LRRC4C: variants seen among roughly 807,000 people sequenced by gnomAD.
LRRC4C encodes the protein leucine rich repeat containing 4C, also known as leucine-rich repeat-containing protein 4C.
In LRRC4C, 5 loss-of-function variants were observed where a neutral mutation model predicts 33.6. That is an observed-to-expected ratio of 0.15 (90% confidence interval 0.08 to 0.31). The LOEUF (loss-of-function observed/expected upper bound fraction) is 0.31, where lower values mean the gene tolerates loss of function less well. Among genes scored for constraint, LRRC4C ranks in the 10% least tolerant of loss-of-function variants. The pLI, the probability that LRRC4C is intolerant of heterozygous loss-of-function variation, is 1.00. For missense variants in LRRC4C, 560 were observed against 796.7 expected, an observed-to-expected ratio of 0.70 and a Z score of 3.58; for synonymous variants, 329 against 302.0, an observed-to-expected ratio of 1.09 and a Z score of -0.93.
At chr11:41,338,035 A>G (rs181032973) in intron 1 of LRRC4C, among the ~76,000 whole-genome samples, 1 of 152,304 alleles carries the variant, frequency 6.6e-6, no homozygotes, top group Admixed American at 6.5e-5. Context: ...TGAAGAAACA[A>G]CAGATGCTGT....
chr11:40,761,071 T>A (rs2137071252), intron 2 of LRRC4C, among the ~76,000 whole-genome samples: 1 of 151,628 alleles, frequency 6.6e-6, no homozygotes, highest in South Asian at 2.1e-4. Flanking sequence ...ATAGCCCACT[T>A]GGTTATTATT....
At chr11:40,620,629 G>C (rs1962359326) in intron 3 of LRRC4C, among the ~76,000 whole-genome samples, 1 of 151,730 alleles carries the variant, frequency 6.6e-6, no homozygotes, top group African/African-American at 2.4e-5. Flanking sequence ...ATAATTTTTT[G>C]TCACTTACTC....
chr11:41,393,453 T>C (rs1236659646), intron 1 of LRRC4C, among the ~76,000 whole-genome samples: 1 of 151,114 alleles, frequency 6.6e-6, no homozygotes, highest in Non-Finnish European at 1.5e-5. Flanking sequence ...AATGTCTCAG[T>C]GAAGAAAGAA....
At chr11:40,837,898 A>G (rs996966504) in intron 2 of LRRC4C, among the ~76,000 whole-genome samples, 3 of 151,916 alleles carry the variant, frequency 2.0e-5, no homozygotes, top group African/African-American at 7.3e-5. Context: ...ATATATATAT[A>G]TATATACACA....
chr11:41,329,614 C>T (rs1489399789), intron 1 of LRRC4C, among the ~76,000 whole-genome samples: 1 of 152,178 alleles, frequency 6.6e-6, no homozygotes, highest in Non-Finnish European at 1.5e-5. Context: ...GTTTCAGTCT[C>T]TGATTCCTTA....
At chr11:40,480,290 C>CT (rs145727031) in intron 3 of LRRC4C, among the ~76,000 whole-genome samples, 18,653 of 149,752 alleles carry the variant, frequency 0.12, 1,249 homozygotes, top group East Asian at 0.15. Context: ...CTTGCTTCTG[C>CT]TTTTTTTTTA....
At chr11:40,605,133 GT>G (rs1960437678) in intron 3 of LRRC4C, among the ~76,000 whole-genome samples, 1 of 152,110 alleles carries the variant, frequency 6.6e-6, no homozygotes, top group African/African-American at 2.4e-5. Context: ...GAAATTGAGG[GT>G]GAGAGATTTA....
chr11:40,916,137 AGC>A (rs1956947335), intron 2 of LRRC4C, among the ~76,000 whole-genome samples: 1 of 152,146 alleles, frequency 6.6e-6, no homozygotes. Context: ...AAGTCAGTGT[AGC>A]GATTCCTCAG....
intron 1 of LRRC4C, among the ~76,000 whole-genome samples, chr11:41,442,623 C>A (rs1359735864): frequency 6.6e-6 from 1 of 151,648 alleles, no homozygotes; most frequent in Non-Finnish European, 1.5e-5. Flanking sequence ...GCGCCCATCA[C>A]CACGCCCAGC....
At chr11:40,850,014 T>C (rs1343461137) in intron 2 of LRRC4C, among the ~76,000 whole-genome samples, 1 of 151,946 alleles carries the variant, frequency 6.6e-6, no homozygotes, top group African/African-American at 2.4e-5. Flanking sequence ...CTGGTTATTC[T>C]AGTTAGAAAT....
chr11:40,984,377 AAGAAAGAAAG>A (rs1323129618), intron 1 of LRRC4C, among the ~76,000 whole-genome samples: 1 of 85,222 alleles, frequency 1.2e-5, no homozygotes, highest in Non-Finnish European at 2.8e-5. Context: ...GAAAGAAAGA[AAGAAAGAAAG>A]AAAGAAAGAA....
chr11:40,321,064 C>T (rs1399062834), intron 3 of LRRC4C, among the ~76,000 whole-genome samples: 4 of 152,044 alleles, frequency 2.6e-5, no homozygotes, highest in Non-Finnish European at 5.9e-5. Flanking sequence ...GTCTAATGAC[C>T]AGTAGGTCAG....
At chr11:41,295,487 G>A (rs1950113704) in intron 1 of LRRC4C, among the ~76,000 whole-genome samples, 2 of 151,990 alleles carry the variant, frequency 1.3e-5, no homozygotes, top group Non-Finnish European at 2.9e-5. Context: ...TAGATGACGT[G>A]GTTTCCCCAG....
intron 4 of LRRC4C, among the ~76,000 whole-genome samples, chr11:40,247,122 T>A (rs959826993): frequency 1.3e-5 from 2 of 152,146 alleles, no homozygotes; most frequent in African/African-American, 4.8e-5. Flanking sequence ...TCTTTTTTTT[T>A]TTTTAACTAA....
chr11:40,261,900 C>A (rs1157718151), intron 4 of LRRC4C, among the ~76,000 whole-genome samples: 1 of 152,110 alleles, frequency 6.6e-6, no homozygotes, highest in Admixed American at 6.5e-5. Context: ...TAGGCAATAC[C>A]ATTTAGGACA....
intron 1 of LRRC4C, among the ~76,000 whole-genome samples, chr11:41,415,102 C>A (rs1954628130): frequency 6.6e-6 from 1 of 152,118 alleles, no homozygotes; most frequent in Non-Finnish European, 1.5e-5. Flanking sequence ...GTTTTCAATG[C>A]AAAAGATGCT....
intron 2 of LRRC4C, among the ~76,000 whole-genome samples, chr11:40,825,809 T>C (rs757035107): frequency 8.0e-5 from 12 of 150,930 alleles, no homozygotes; most frequent in Non-Finnish European, 1.6e-4. Context: ...GACACAAAGA[T>C]AGGAAAGGTT....
rs185279694 is a variant in LRRC4C, at chr11:40,675,516, G to T, written c.-406-27238C>A. ...GCTGCATCCCTTTTTACTAATCTAGGCTAGTTTCCCTTTTTGTAATCTCCC... is the reference window on the plus strand; with the variant it reads ...GCTGCATCCCTTTTTACTAATCTAGTCTAGTTTCCCTTTTTGTAATCTCCC... On this transcript the variant is annotated intron_variant, in intron 2 of 6. Transcript: ENST00000528697. Among the ~76,000 whole-genome samples, 210 of 152,062 alleles carry T rather than the reference G, an allele frequency of 1.4e-3. 2 individuals carry two copies. The highest frequency in any genetic ancestry group is 8.6e-3 in the Admixed American group (131 of 15,260).
At chr11:41,294,086 C>T (rs929319382) in intron 1 of LRRC4C, among the ~76,000 whole-genome samples, 3 of 152,130 alleles carry the variant, frequency 2.0e-5, no homozygotes, top group Non-Finnish European at 2.9e-5. Context: ...TATAAACCTT[C>T]GAAGTGGTGT....
Sources: gnomAD v4.1 joint callset for allele counts (sites outside exome capture counted in the v4.1 genomes callset) on GRCh38, gnomAD v4.1.1 for gene constraint, MANE v1.5 for transcripts, NCBI Gene and HGNC (gene_info 2026-07-23, HGNC 2026-07-21) for gene names.